The following ZNF92 variants were observed in gnomAD, a reference collection of about 807,000 sequenced individuals.
The protein encoded by ZNF92 is zinc finger protein 92.
ZNF92 carries 11 observed loss-of-function variants against 12.4 expected under a neutral mutation model. The observed-to-expected ratio is 0.89, with a 90% CI of 0.56 to 1.47. The LOEUF (loss-of-function observed/expected upper bound fraction) is 1.47. Ranked by LOEUF, ZNF92 falls within the 40% of genes most tolerant of loss-of-function variation. The probability of loss-of-function intolerance (pLI) is 0.00; values close to 1 mark genes in which losing one functional copy is unlikely to be tolerated. For missense variants in ZNF92, 622 were observed against 681.0 expected (o/e 0.91, Z 0.96); for synonymous variants, 206 against 228.6 (o/e 0.90, Z 0.89).
At chr7:65,389,793 G>A (rs1236824978) in intron 3 of ZNF92, among the ~76,000 whole-genome samples, 2 of 151,886 alleles carry the variant, frequency 1.3e-5, no homozygotes, top group Non-Finnish European at 2.9e-5. Flanking sequence ...GGGATTACAG[G>A]TGTGAGCTAC....
Position 65,399,089 on chromosome 7 carries a change from C to G in ZNF92, c.975C>G (p.Phe325Leu). The G allele has an allele frequency of 6.2e-7, 1 of 1,612,634 alleles. No homozygotes were observed. The highest frequency in any genetic ancestry group is 8.5e-7 in the Non-Finnish European group (1 of 1,179,352). Residue 325 changes from phenylalanine (F) to leucine (L), a missense_variant, in exon 4 of 4, where the codon TTC becomes TTG. Coordinates refer to ENST00000328747, the MANE Select transcript of ZNF92 (RefSeq NM_152626.4). The stretch of plus-strand genomic sequence containing the variant: ...AATGTGGCAAAGCCTTTAGAGTATT[C>G]TCAATTCTTAAAAAACATAAGATAA... ...CEECGKAFRVFSILKKHKIIH... is the reference protein window; with the variant it reads ...CEECGKAFRVLSILKKHKIIH...
At chr7:65,391,245 G>C (rs1052072542) in intron 3 of ZNF92, among the ~76,000 whole-genome samples, 1 of 152,012 alleles carries the variant, frequency 6.6e-6, no homozygotes, top group African/African-American at 2.4e-5. Flanking sequence ...CATGATGCCT[G>C]GCTCTCTCAA....
At chr7:65,385,243 A>G (rs1793530615) in intron 1 of ZNF92, among the ~76,000 whole-genome samples, 1 of 152,104 alleles carries the variant, frequency 6.6e-6, no homozygotes, top group Non-Finnish European at 1.5e-5. Flanking sequence ...TCACCAAGTG[A>G]TTTATAAGCT....
intron 1 of ZNF92, 49 bp downstream of exon 1, chr7:65,374,049 G>A (rs1409395194): frequency 5.0e-6 from 8 of 1,613,542 alleles, no homozygotes; most frequent in Non-Finnish European, 6.8e-6. Context: ...GGTCTGGCTG[G>A]AACCGATTGG....
chr7:65,388,117 C>T (rs1225044232), intron 2 of ZNF92, 89 bp downstream of exon 2: 5 of 1,402,542 alleles, frequency 3.6e-6, no homozygotes, highest in Non-Finnish European at 2.9e-6. Flanking sequence ...TTATGCTTTG[C>T]ATAAATGAGT....
rs1042226249 is a variant in ZNF92 at position 65,383,167 on chromosome 7, A to C, written c.4-4735A>C. Among the ~76,000 whole-genome samples the C allele has an allele frequency of 2.9e-4, 44 of 152,052 alleles. 1 individual carries two copies. Among genetic ancestry groups the C allele is most frequent in the Non-Finnish European group, 1.5e-5 (1 of 68,006 alleles). On this transcript the variant is annotated intron_variant, in intron 1 of 3. Coordinates refer to ENST00000328747, the MANE Select transcript of ZNF92 (RefSeq NM_152626.4). ...TGCTGCTAGATTCCAGGCAACTTGA[A>C]TCTTTGCTCCCAGTTTACAATCTTC... is the stretch of plus-strand genomic sequence containing the variant.
intron 1 of ZNF92, among the ~76,000 whole-genome samples, chr7:65,379,472 G>T (rs980766483): frequency 3.3e-5 from 5 of 151,958 alleles, no homozygotes; most frequent in African/African-American, 1.2e-4. Flanking sequence ...GGTGAGAGAG[G>T]ACTGAAAACT....
rs932764801 is a variant in ZNF92 at position 65,374,095 on chromosome 7, C to G, written c.3+95C>G. 7 of 1,548,956 alleles carry G rather than the reference C, an allele frequency of 4.5e-6. No homozygotes were observed. The Middle Eastern group carries it at 6.8e-4, about 150-fold the overall frequency. ...GGCGGGCCTCGGGCCTTCCCGCAGT[C>G]GGCTCCGAGATCCGCGGCCCGAGTT... On this transcript the variant is annotated intron_variant, in intron 1 of 3. Transcript: ENST00000328747.
rs1447466147 is a variant in ZNF92, at chr7:65,399,879, A to G, written c.*4A>G. Reference sequence around the variant, plus strand: ...TAAAGAGAAACTACAAACCTGAAAGATGTGACAATGATTTTCACTACACCT... The same window carrying G: ...TAAAGAGAAACTACAAACCTGAAAGGTGTGACAATGATTTTCACTACACCT... On this transcript the variant is annotated 3_prime_UTR_variant, in exon 4 of 4. Transcript: ENST00000328747. The G allele has an allele frequency of 9.0e-6, 14 of 1,553,810 alleles. No homozygotes were observed. Among genetic ancestry groups the G allele is most frequent in the Non-Finnish European group, 1.1e-5 (13 of 1,153,566 alleles).
chr7:65,395,524 C>G (rs1182357021), intron 3 of ZNF92, among the ~76,000 whole-genome samples: 1 of 152,012 alleles, frequency 6.6e-6, no homozygotes, highest in East Asian at 1.9e-4. Context: ...CCTCATGCTG[C>G]GATGTAATCC....
At chr7:65,393,804 A>AC (rs1434017697) in intron 3 of ZNF92, among the ~76,000 whole-genome samples, 1 of 151,884 alleles carries the variant, frequency 6.6e-6, no homozygotes, top group African/African-American at 2.4e-5. Context: ...ATCTCTTGAT[A>AC]AAGATTCAAT....
rs1793966202 is a variant in ZNF92, at chr7:65,399,906, A to G, written c.*31A>G. 6.6e-7 allele frequency: 1 copy of G among 1,510,560 alleles called. No individual in the cohort carries two copies. Among genetic ancestry groups the G allele is most frequent in the African/African-American group, 1.4e-5 (1 of 71,596 alleles). 93.6% of individuals were successfully genotyped at this position (1,510,560 alleles called of 1,614,324 possible). ...GTGACAATGATTTTCACTACACCTC[A>G]AACTTTTCTAAACATAAACCATATT... On this transcript the variant is annotated 3_prime_UTR_variant, in exon 4 of 4. Coordinates refer to ENST00000328747, the MANE Select transcript of ZNF92 (RefSeq NM_152626.4).
Position 65,400,025 on chromosome 7 carries a change from C to T in ZNF92, c.*150C>T. On this transcript the variant is annotated 3_prime_UTR_variant, in exon 4 of 4. Coordinates refer to ENST00000328747, the MANE Select transcript of ZNF92 (RefSeq NM_152626.4). ...TAATTTATATTGGAGAAAAATCCTC[C>T]AAGTATGAAGAATGTGGCAAACTTT... 2 of 715,556 alleles carry T rather than the reference C, an allele frequency of 2.8e-6. No individual in the cohort carries two copies. The highest frequency in any genetic ancestry group is 4.3e-6 in the Non-Finnish European group (2 of 465,436). The allele number at this position is 715,556 out of a possible 1,614,324, so 44.3% of individuals were successfully genotyped here.
At chr7:65,397,585 G>C (rs1793874742) in intron 3 of ZNF92, among the ~76,000 whole-genome samples, 1 of 151,798 alleles carries the variant, frequency 6.6e-6, no homozygotes, top group South Asian at 2.1e-4. Flanking sequence ...GTTTGATTGA[G>C]ATTTGGACAT....
chr7:65,387,874 T>A (rs1793613870), intron 1 of ZNF92, 28 bp from the exon 2 acceptor site: 1 of 1,569,780 alleles, frequency 6.4e-7, no homozygotes, highest in African/African-American at 1.4e-5. Flanking sequence ...AACATATGTG[T>A]GTTTGTGTGT....
At chr7:65,382,902 G>T (rs1409619568) in intron 1 of ZNF92, among the ~76,000 whole-genome samples, 2 of 152,058 alleles carry the variant, frequency 1.3e-5, no homozygotes, top group Non-Finnish European at 2.9e-5. Context: ...GACCACAATT[G>T]TGTCTTTCTC....
Position 65,388,660 on chromosome 7 carries a change from T to G in ZNF92, c.131-146T>G, listed in dbSNP as rs562642131. Reference sequence around the variant, plus strand: ...CTTTAAAAAAAAAAATCTACAAATTTAAAATATTTAGATATTTGTCATAAA... The same window carrying G: ...CTTTAAAAAAAAAAATCTACAAATTGAAAATATTTAGATATTTGTCATAAA... On this transcript the variant is annotated intron_variant, in intron 2 of 3. Coordinates refer to ENST00000328747, the MANE Select transcript of ZNF92 (RefSeq NM_152626.4). The G allele has an allele frequency of 6.9e-5, 44 of 636,494 alleles. No homozygotes were observed. In the East Asian group the frequency reaches 2.8e-3, roughly 41 times the overall value. The allele number at this position is 636,494 out of a possible 1,614,324, so 39.4% of individuals were successfully genotyped here. A position where few individuals can be genotyped will look rare whatever the true frequency, so the allele number is the denominator to read the frequency against.
At chr7:65,386,568 T>G (rs1793570543) in intron 1 of ZNF92, among the ~76,000 whole-genome samples, 2 of 152,110 alleles carry the variant, frequency 1.3e-5, no homozygotes, top group Admixed American at 6.6e-5. Flanking sequence ...AAATGCTTTT[T>G]GAAACAGGAT....
intron 1 of ZNF92, among the ~76,000 whole-genome samples, chr7:65,382,890 G>A (rs181166915): frequency 6.6e-5 from 10 of 152,002 alleles, no homozygotes; most frequent in South Asian, 2.1e-4. Context: ...ACATTAAAAC[G>A]AGACCACAAT....
Sources: allele counts gnomAD v4.1 joint callset (sites outside exome capture counted in the v4.1 genomes callset), GRCh38; gene constraint gnomAD v4.1.1; transcripts MANE v1.5; gene names NCBI Gene and HGNC (gene_info 2026-07-23, HGNC 2026-07-21).